Variants in ZNF536 observed in about 807,000 individuals in gnomAD.
The protein encoded by ZNF536 is zinc finger protein 536.
ZNF536 carries 13 observed loss-of-function variants against 84.5 expected under a neutral mutation model. The observed-to-expected ratio is 0.15, with a 90% CI of 0.10 to 0.24. ZNF536 has a LOEUF of 0.24. ZNF536 is among the 10% of genes least tolerant of loss of function. The pLI is 1.00. For missense variants in ZNF536, 1,536 were observed against 1,747.5 expected, an observed-to-expected ratio of 0.88 and a Z score of 2.16; for synonymous variants, 811 against 742.5, an observed-to-expected ratio of 1.09 and a Z score of -1.50.
At chr19:30,678,182 CGGA>C (rs2050826253) in intron 1 of ZNF536, among the ~76,000 whole-genome samples, 1 of 152,152 alleles carries the variant, frequency 6.6e-6, no homozygotes, top group Non-Finnish European at 1.5e-5. Context: ...CTTCAGGGAC[CGGA>C]GAAGCCTCCA....
chr19:30,549,441 T>C lies in ZNF536; in HGVS notation c.3822T>C (p.Asp1274=). 3.2e-6 allele frequency: 5 copies of C among 1,553,324 alleles called. No homozygotes were observed. In the Middle Eastern group the frequency reaches 5.2e-4, roughly 163 times the overall value. The part of the protein sequence containing the change: ...MLSVLRAYSS[D]GLAAFNGLAS... The stretch of plus-strand genomic sequence containing the variant: ...CGGTCCTCAGGGCCTACAGTTCTGA[T>C]GGCTTAGCAGCCTTTAACGGACTTG... Residue 1274 remains aspartate, a synonymous_variant, in exon 4 of 5, where the codon GAT becomes GAC. Coordinates refer to ENST00000355537, the MANE Select transcript of ZNF536 (RefSeq NM_014717.3).
At chr19:30,373,373 C>CT (rs929968975) in intron 1 of ZNF536, among the ~76,000 whole-genome samples, 192 of 149,318 alleles carry the variant, frequency 1.3e-3, no homozygotes, top group African/African-American at 4.4e-3. Context: ...TTCTGTTGTT[C>CT]TTTTTTTTTT....
chr19:30,248,217 T>G (rs1251133804), intron 1 of ZNF536, among the ~76,000 whole-genome samples: 2 of 139,026 alleles, frequency 1.4e-5, no homozygotes, highest in Non-Finnish European at 3.0e-5. Flanking sequence ...TTCTTTTTCT[T>G]TTCTTTCTTT....
At chr19:30,282,062 C>T (rs761330867) in intron 1 of ZNF536, among the ~76,000 whole-genome samples, 1 of 152,256 alleles carries the variant, frequency 6.6e-6, no homozygotes, top group Non-Finnish European at 1.5e-5. Context: ...TTCCTCCCCA[C>T]CCTGCATCAC....
At chr19:30,598,849 T>C (rs1233101146) in intron 1 of ZNF536, among the ~76,000 whole-genome samples, 4 of 152,254 alleles carry the variant, frequency 2.6e-5, no homozygotes, top group Middle Eastern at 3.4e-3. Context: ...TTCTCTCTTT[T>C]CTTTTCTTCC....
At chr19:30,358,632 T>C (rs896414613) in intron 3 of ZNF536, among the ~76,000 whole-genome samples, 117 of 152,380 alleles carry the variant, frequency 7.7e-4, no homozygotes, top group African/African-American at 2.6e-3. Flanking sequence ...CATTTCTTTC[T>C]GAATTTTCTG....
rs535485064 is a variant in ZNF536 at position 30,506,884 on chromosome 19, C to T, written c.2171-27963C>T. ...TAAGGAAGGAAAATATCAGTCTTAA[C>T]TCTTTTGCCCTGAGATAATCATTCT... On this transcript the variant is annotated intron_variant, in intron 2 of 4. Transcript: ENST00000355537. Among the ~76,000 whole-genome samples the T allele has an allele frequency of 5.3e-4, 81 of 152,298 alleles. 1 individual carries two copies. The South Asian group carries it at 0.016, about 30-fold the overall frequency.
intron 2 of ZNF536, among the ~76,000 whole-genome samples, chr19:30,468,877 G>C (rs139134313): frequency 2.6e-5 from 4 of 152,218 alleles, no homozygotes; most frequent in African/African-American, 9.6e-5. Context: ...AGGGATTCCA[G>C]GCAGGAGTGT....
intron 2 of ZNF536, among the ~76,000 whole-genome samples, chr19:30,514,043 G>C (rs181045437): frequency 6.6e-6 from 1 of 152,172 alleles, no homozygotes; most frequent in Non-Finnish European, 1.5e-5. Context: ...GAGACCTGGC[G>C]AGCCAGGTCC....
At chr19:30,622,432 G>C (rs1003677542) in intron 1 of ZNF536, among the ~76,000 whole-genome samples, 1 of 152,250 alleles carries the variant, frequency 6.6e-6, no homozygotes, top group African/African-American at 2.4e-5. Context: ...GTTTGGCTTG[G>C]GGCCATGGCA....
At chr19:30,705,207 G>A (rs2052173335) in intron 1 of ZNF536, among the ~76,000 whole-genome samples, 1 of 152,066 alleles carries the variant, frequency 6.6e-6, no homozygotes, top group African/African-American at 2.4e-5. Flanking sequence ...GCCTATCATA[G>A]CTTCTCCCAG....
chr19:30,252,920 A>G (rs2024697230), intron 1 of ZNF536, among the ~76,000 whole-genome samples: 1 of 152,216 alleles, frequency 6.6e-6, no homozygotes, highest in Non-Finnish European at 1.5e-5. Context: ...AACAAATTCC[A>G]TTTTAACTCC....
At chr19:30,335,960 C>A (rs1388834540) in intron 2 of ZNF536, among the ~76,000 whole-genome samples, 1 of 152,148 alleles carries the variant, frequency 6.6e-6, no homozygotes, top group Non-Finnish European at 1.5e-5. Flanking sequence ...AGTAACCTCC[C>A]ATTCCTCAGA....
chr19:30,665,986 ATCCTGGGG>A (rs2050301640), intron 1 of ZNF536, among the ~76,000 whole-genome samples: 1 of 152,018 alleles, frequency 6.6e-6, no homozygotes, highest in Non-Finnish European at 1.5e-5. Context: ...TTTATTTGGG[ATCCTGGGG>A]TCCAGGCTGG....
chr19:30,372,661 A>T (rs1412360590), intron 1 of ZNF536, 105 bp downstream of exon 1: 9 of 152,178 alleles, frequency 5.9e-5, no homozygotes, highest in African/African-American at 2.2e-4. Context: ...CCACATGCAG[A>T]CACGCACATA....
rs115588174 is a variant in ZNF536, at chr19:30,514,535, C to T, written c.2171-20312C>T. The stretch of plus-strand genomic sequence containing the variant: ...ACCAAGTAGAAGAGTGACCAGTAGA[C>T]GGGAAGACCCAGTGTCCCAACCTGC... On this transcript the variant is annotated intron_variant, in intron 2 of 4. Transcript: ENST00000355537. 2.7e-3 allele frequency among the ~76,000 whole-genome samples: 411 copies of T among 152,134 alleles called. 2 individuals are homozygous for T. Among genetic ancestry groups the T allele is most frequent in the African/African-American group, 9.2e-3 (381 of 41,518 alleles).
At chr19:30,426,915 T>C (rs528800905) in intron 1 of ZNF536, among the ~76,000 whole-genome samples, 1 of 152,310 alleles carries the variant, frequency 6.6e-6, no homozygotes, top group Non-Finnish European at 1.5e-5. Context: ...TCTGTGTGCA[T>C]TATTTCTTCT....
At chr19:30,619,274 T>G (rs2048401481) in intron 1 of ZNF536, among the ~76,000 whole-genome samples, 1 of 152,194 alleles carries the variant, frequency 6.6e-6, no homozygotes, top group Non-Finnish European at 1.5e-5. Context: ...TGATGGGCAA[T>G]GCCTTCTCCT....
chr19:30,700,113 C>T (rs1184813784), intron 1 of ZNF536, among the ~76,000 whole-genome samples: 1 of 137,236 alleles, frequency 7.3e-6, no homozygotes, highest in Non-Finnish European at 1.6e-5. Flanking sequence ...TTTCTTCCTC[C>T]CTCCCTCCCT....
Sources: gnomAD v4.1 joint callset for allele counts (sites outside exome capture counted in the v4.1 genomes callset) on GRCh38, gnomAD v4.1.1 for gene constraint, MANE v1.5 for transcripts, NCBI Gene and HGNC (gene_info 2026-07-23, HGNC 2026-07-21) for gene names.